Variants in GPR26 observed in about 807,000 individuals in gnomAD.
GPR26 encodes G protein-coupled receptor 26.
A neutral mutation model predicts 23.1 loss-of-function variants in GPR26; 15 were observed. That is an observed-to-expected ratio of 0.65 (90% CI 0.43 to 1.00). GPR26 has a LOEUF of 1.00. GPR26 is among the 50% of genes least tolerant of loss of function. The pLI is 0.00. For missense variants in GPR26, 359 were observed against 470.5 expected (o/e 0.76, Z 2.19); for synonymous variants, 228 against 222.1 (o/e 1.03, Z -0.24).
chr10:123,686,243 A>G (rs1179848755), intron 2 of GPR26, among the ~76,000 whole-genome samples: 1 of 152,260 alleles, frequency 6.6e-6, no homozygotes, highest in African/African-American at 2.4e-5. Context: ...GCAATTTGGC[A>G]TCGCATAGCA....
At position 123,674,643 on chromosome 10, in the gene GPR26, A is replaced by G. The variant is rs1845286329; in HGVS notation, c.669-175A>G. On this transcript the variant is annotated intron_variant, in intron 1 of 2. Coordinates refer to ENST00000284674, the MANE Select transcript of GPR26 (RefSeq NM_153442.4). This position sits in a 1 kb window ranked among gnomAD's most constrained non-coding sequence, Gnocchi z 4.1. ...CACAGGAGGACCTTGAGGCTTAGTA[A>G]TGTCACACTGCTTGCCCAAGGTCAA... 6.6e-6 allele frequency among the ~76,000 whole-genome samples: 1 copy of G among 152,184 alleles called. No homozygotes were observed. The highest frequency in any genetic ancestry group is 1.9e-4 in the East Asian group (1 of 5,192).
intron 2 of GPR26, among the ~76,000 whole-genome samples, chr10:123,679,641 G>T (rs1042905262): frequency 2.0e-5 from 3 of 147,764 alleles, no homozygotes; most frequent in African/African-American, 7.5e-5. Context: ...TAATTGCCCA[G>T]AGCTATGCAT....
chr10:123,680,350 T>C (rs1234340894), intron 2 of GPR26, among the ~76,000 whole-genome samples: 1 of 152,156 alleles, frequency 6.6e-6, no homozygotes, highest in Non-Finnish European at 1.5e-5. Context: ...CTCAGGTGTT[T>C]TTCTCCTGGG....
chr10:123,676,278 C>T (rs367653807), intron 2 of GPR26, among the ~76,000 whole-genome samples: 12 of 152,128 alleles, frequency 7.9e-5, no homozygotes, highest in African/African-American at 2.2e-4. Context: ...TCATTTTGAA[C>T]GTGGAACCAA....
At chr10:123,682,911 C>T (rs1007390914) in intron 2 of GPR26, among the ~76,000 whole-genome samples, 4 of 152,210 alleles carry the variant, frequency 2.6e-5, no homozygotes, top group Non-Finnish European at 1.5e-5. Flanking sequence ...CTCCAGAAGT[C>T]TTGGGAAGAC....
intron 2 of GPR26, among the ~76,000 whole-genome samples, chr10:123,687,684 G>A (rs748470080): frequency 3.9e-5 from 6 of 152,170 alleles, no homozygotes; most frequent in Non-Finnish European, 5.9e-5. Flanking sequence ...TATCTCCCAG[G>A]GCTCAGCAAA....
chr10:123,693,298 A>T lies in GPR26; in HGVS notation c.*5138A>T, dbSNP rs899173242. ...ATCTATCTAATTGTTTTAGTGTGTG[A>T]GGCTCATTGTCAGCCTAGATTTCCC... On this transcript the variant is annotated 3_prime_UTR_variant, in exon 3 of 3. Transcript: ENST00000284674. The T allele has an allele frequency of 2.0e-5, 3 of 152,170 alleles. No individual in the cohort carries two copies. Among genetic ancestry groups the T allele is most frequent in the Non-Finnish European group, 4.4e-5 (3 of 68,066 alleles). The allele number at this position is 152,170 out of a possible 1,614,324, so 9.4% of individuals were successfully genotyped here.
chr10:123,673,264 C>CA (rs1845270745), intron 1 of GPR26, among the ~76,000 whole-genome samples: 4 of 152,302 alleles, frequency 2.6e-5, no homozygotes, highest in African/African-American at 9.6e-5. Context: ...GATAGGAAAT[C>CA]TAGTTAAAAG....
At chr10:123,676,652 CCACAAGACACAA>C (rs1281705228) in intron 2 of GPR26, among the ~76,000 whole-genome samples, 4 of 152,198 alleles carry the variant, frequency 2.6e-5, no homozygotes, top group African/African-American at 9.7e-5. Context: ...TCAGGGTTTT[CCACAAGACACAA>C]AGCCCAGGCA....
chr10:123,684,461 C>A (rs1845410128), intron 2 of GPR26, among the ~76,000 whole-genome samples: 1 of 152,202 alleles, frequency 6.6e-6, no homozygotes, highest in Non-Finnish European at 1.5e-5. Context: ...TTTGCTAGGG[C>A]TGCCGTAACA....
rs573458103 is a variant in GPR26, at chr10:123,696,803, C to T, written c.*8643C>T. Among the ~76,000 whole-genome samples, 10 of 151,720 alleles carry T rather than the reference C, an allele frequency of 6.6e-5. No homozygotes were observed. The South Asian group carries it at 2.1e-3, about 32-fold the overall frequency. On this transcript the variant is annotated 3_prime_UTR_variant, in exon 3 of 3. Transcript: ENST00000284674. ...TGCATATGGGTGAATGTTTGTGTGC[C>T]CATGATTTTATGCATATAGGTGAAT...
rs1845476554 is a variant in GPR26 at position 123,690,177 on chromosome 10, G to A, written c.*2017G>A. 2.0e-5 allele frequency: 3 copies of A among 152,092 alleles called. No homozygotes were observed. The highest frequency in any genetic ancestry group is 6.6e-5 in the Admixed American group (1 of 15,266). 9.4% of individuals were successfully genotyped at this position (152,092 alleles called of 1,614,324 possible). A position where few individuals can be genotyped will look rare whatever the true frequency, so the allele number is the denominator to read the frequency against. On this transcript the variant is annotated 3_prime_UTR_variant, in exon 3 of 3. Coordinates refer to ENST00000284674, the MANE Select transcript of GPR26 (RefSeq NM_153442.4). ...AATAGCAACAGACATTTGCTTCCTG[G>A]TGGCAAGTAACTGTGCACCCTCCAA...
chr10:123,675,798 C>CTCTG (rs141688113), intron 2 of GPR26, among the ~76,000 whole-genome samples: 1 of 142,632 alleles, frequency 7.0e-6, no homozygotes, highest in Non-Finnish European at 1.5e-5. Flanking sequence ...GCAGGGTTTT[C>CTCTG]TGTGTGTGTG....
chr10:123,672,168 T>C (rs1845259068), intron 1 of GPR26, among the ~76,000 whole-genome samples: 1 of 152,160 alleles, frequency 6.6e-6, no homozygotes. Context: ...ATGTGGCTCC[T>C]GACTAGGAGC....
intron 2 of GPR26, among the ~76,000 whole-genome samples, chr10:123,684,478 C>T (rs148175317): frequency 7.9e-5 from 12 of 152,256 alleles, no homozygotes; most frequent in African/African-American, 2.2e-4. Flanking sequence ...AACAGAGTAC[C>T]GCAAACCGAG....
intron 2 of GPR26, among the ~76,000 whole-genome samples, chr10:123,675,855 T>TGTGTGTGTGTGTGTGTGTGTG (rs1564731129): frequency 6.8e-6 from 1 of 147,628 alleles, no homozygotes; most frequent in Non-Finnish European, 1.5e-5. Context: ...TGTGTGTGTG[T>TGTGTGTGTGTGTGTGTGTGTG]AAGAGAGAGA....
Position 123,691,445 on chromosome 10 carries a change from A to C in GPR26, c.*3285A>C, listed in dbSNP as rs1845489595. The C allele has an allele frequency of 6.6e-6, 1 of 152,182 alleles. No individual in the cohort carries two copies. The highest frequency in any genetic ancestry group is 1.5e-5 in the Non-Finnish European group (1 of 68,036). The allele number at this position is 152,182 out of a possible 1,614,324, so 9.4% of individuals were successfully genotyped here. A position where few individuals can be genotyped will look rare whatever the true frequency, so the allele number is the denominator to read the frequency against. On this transcript the variant is annotated 3_prime_UTR_variant, in exon 3 of 3. Coordinates refer to ENST00000284674, the MANE Select transcript of GPR26 (RefSeq NM_153442.4). ...GCCTTTCTTTCTAAGAAAAGATAGA[A>C]AGAATGGGGCCAGGTTCATGTCCCA... is the stretch of plus-strand genomic sequence containing the variant.
intron 1 of GPR26, among the ~76,000 whole-genome samples, chr10:123,668,383 A>C (rs1845212257): frequency 6.6e-6 from 1 of 152,208 alleles, no homozygotes; most frequent in Non-Finnish European, 1.5e-5. Context: ...CCAGCCACAG[A>C]ATCCCCACAG....
In GPR26 at chr10:123,691,675, A is replaced by G. The variant is rs1845491927; in HGVS notation, c.*3515A>G. 3 of 152,196 alleles carry G rather than the reference A, an allele frequency of 2.0e-5. No individual in the cohort carries two copies. Among genetic ancestry groups the G allele is most frequent in the Admixed American group, 2.0e-4 (3 of 15,278 alleles). 9.4% of individuals were successfully genotyped at this position (152,196 alleles called of 1,614,324 possible). A position where few individuals can be genotyped will look rare whatever the true frequency, so the allele number is the denominator to read the frequency against. Reference sequence around the variant, plus strand: ...TCCTATCCTCTGGACGGGGAGCATCATGGGAAAAAGAGGTCCGAGTCATAT... The same window carrying G: ...TCCTATCCTCTGGACGGGGAGCATCGTGGGAAAAAGAGGTCCGAGTCATAT... On this transcript the variant is annotated 3_prime_UTR_variant, in exon 3 of 3. Coordinates refer to ENST00000284674, the MANE Select transcript of GPR26 (RefSeq NM_153442.4).
Sources: gnomAD v4.1 joint callset for allele counts (sites outside exome capture counted in the v4.1 genomes callset) on GRCh38, gnomAD v4.1.1 for gene constraint, Gnocchi (gnomAD v3.1) non-coding constraint, MANE v1.5 for transcripts, NCBI Gene and HGNC (gene_info 2026-07-23, HGNC 2026-07-21) for gene names.